IFT88: variants seen among roughly 807,000 people sequenced by gnomAD.
IFT88 encodes the protein intraflagellar transport 88, also known as intraflagellar transport protein 88 homolog.
A neutral mutation model predicts 119.5 loss-of-function variants in IFT88; 74 were observed. The ratio of observed to expected loss-of-function variants is 0.62; its 90% confidence interval spans 0.51 to 0.75. The LOEUF (loss-of-function observed/expected upper bound fraction) is 0.75. IFT88 is among the 30% of genes least tolerant of loss of function. IFT88 has a pLI of 0.00. For synonymous variants in IFT88, 279 were observed against 316.7 expected (o/e 0.88, Z 1.26); for missense variants, 961 against 977.7 (o/e 0.98, Z 0.23).
At chr13:20,642,880 T>C (rs1271460173) in intron 18 of IFT88, 1 of 152,124 alleles carries the variant, frequency 6.6e-6, no homozygotes, top group Non-Finnish European at 1.5e-5. Context: ...TCTTTTTCAA[T>C]AAACTTTGAA....
At chr13:20,677,074 C>T (rs888821785) in intron 24 of IFT88, among the ~76,000 whole-genome samples, 1 of 152,146 alleles carries the variant, frequency 6.6e-6, no homozygotes, top group Non-Finnish European at 1.5e-5. Flanking sequence ...CCAGCTTCAC[C>T]TCTCATATCC....
At chr13:20,654,408 T>A (rs1216789572) in intron 21 of IFT88, among the ~76,000 whole-genome samples, 1 of 152,212 alleles carries the variant, frequency 6.6e-6, no homozygotes, top group Non-Finnish European at 1.5e-5. Context: ...TTTATTAAAT[T>A]CTTGCTGATG....
At position 20,651,602 on chromosome 13, in the gene IFT88, A is replaced by G. The variant is rs868714697; in HGVS notation, c.1950-2274A>G. The stretch of plus-strand genomic sequence containing the variant: ...ACCTTTATACAATGTTTTGCTGTCC[A>G]CGGTTTCAGTTACCCTCAGTAAAGT... On this transcript the variant is annotated intron_variant, in intron 20 of 25. Coordinates refer to ENST00000351808, the MANE Select transcript of IFT88 (RefSeq NM_006531.5). Among the ~76,000 whole-genome samples, 4 of 151,812 alleles carry G rather than the reference A, an allele frequency of 2.6e-5. No homozygotes were observed. The East Asian group carries it at 7.8e-4, about 30-fold the overall frequency.
At chr13:20,661,453 C>T (rs192708824) in intron 22 of IFT88, among the ~76,000 whole-genome samples, 11 of 152,150 alleles carry the variant, frequency 7.2e-5, no homozygotes, top group African/African-American at 1.7e-4. Flanking sequence ...ACTATAAATG[C>T]GGCTGGGTGC....
At chr13:20,598,853 C>A in intron 10 of IFT88, 100 bp downstream of exon 10, 2 of 696,842 alleles carry the variant, frequency 2.9e-6, no homozygotes, top group Admixed American at 2.2e-5. Flanking sequence ...ATGATCTATG[C>A]TCTAAACAAA....
Position 20,567,742 on chromosome 13 carries a change from C to T in IFT88, c.-7+486C>T, listed in dbSNP as rs538179381. ...TAAAAGTACACAACAATGCAGAAAG[C>T]GGTACTTAGCCTCACAAAGATGGAA... On this transcript the variant is annotated intron_variant, in intron 1 of 25. Coordinates refer to ENST00000351808, the MANE Select transcript of IFT88 (RefSeq NM_006531.5). 107 of 1,307,590 alleles carry T rather than the reference C, an allele frequency of 8.2e-5. No homozygotes were observed. In the African/African-American group the frequency reaches 1.3e-3, roughly 15 times the overall value. 81.0% of individuals were successfully genotyped at this position (1,307,590 alleles called of 1,614,324 possible).
chr13:20,686,866 C>A (rs1426771335), intron 24 of IFT88, among the ~76,000 whole-genome samples: 1 of 151,520 alleles, frequency 6.6e-6, no homozygotes, highest in South Asian at 2.1e-4. Flanking sequence ...TGTAGTTAGC[C>A]CCTTAACCTT....
intron 7 of IFT88, among the ~76,000 whole-genome samples, chr13:20,593,058 A>C (rs1313260827): frequency 2.0e-5 from 3 of 152,212 alleles, no homozygotes; most frequent in Non-Finnish European, 4.4e-5. Context: ...GATTATCTTG[A>C]GAGGACATTT....
intron 14 of IFT88, among the ~76,000 whole-genome samples, chr13:20,617,009 T>C (rs1211118208): frequency 6.6e-6 from 1 of 152,066 alleles, no homozygotes; most frequent in African/African-American, 2.4e-5. Flanking sequence ...AGTGGCGCAA[T>C]CTCGGCTCAC....
In IFT88 at chr13:20,686,333, C is replaced by A. The variant is rs186592692; in HGVS notation, c.2243-4372C>A. On this transcript the variant is annotated intron_variant, in intron 24 of 25. Transcript: ENST00000351808. ...CAGTAAAATAAAAATGCAGGAAAGGCAAGTACTTTTATTGGATCTTTAAAA... is the reference window on the plus strand; with the variant it reads ...CAGTAAAATAAAAATGCAGGAAAGGAAAGTACTTTTATTGGATCTTTAAAA... 7.7e-4 allele frequency among the ~76,000 whole-genome samples: 117 copies of A among 152,248 alleles called. 2 individuals carry two copies. The South Asian group carries it at 0.021, about 27-fold the overall frequency.
At chr13:20,687,986 C>T (rs1487475675) in intron 24 of IFT88, among the ~76,000 whole-genome samples, 1 of 152,154 alleles carries the variant, frequency 6.6e-6, no homozygotes, top group Non-Finnish European at 1.5e-5. Flanking sequence ...TCAAAGAATC[C>T]CTGTCACAAA....
intron 3 of IFT88, among the ~76,000 whole-genome samples, chr13:20,587,254 C>CT (rs75172361): frequency 0.1 from 14,998 of 146,196 alleles, 971 homozygotes; most frequent in African/African-American, 0.18. Context: ...TTGCCTACTG[C>CT]TTTTTTTTTT....
intron 13 of IFT88, chr13:20,612,281 C>T (rs1164800127): frequency 6.6e-6 from 1 of 152,094 alleles, no homozygotes; most frequent in Non-Finnish European, 1.5e-5. Context: ...GGACCTTGCT[C>T]CATCTGCTGT....
At chr13:20,597,185 C>T (rs1346052749) in intron 9 of IFT88, 66 bp downstream of exon 9, 1 of 734,348 alleles carries the variant, frequency 1.4e-6, no homozygotes, top group Non-Finnish European at 2.2e-6. Context: ...GTTCCAGAGT[C>T]TTTTTTCTTT....
intron 22 of IFT88, among the ~76,000 whole-genome samples, chr13:20,659,567 G>A (rs1199282881): frequency 6.6e-6 from 1 of 151,550 alleles, no homozygotes; most frequent in Non-Finnish European, 1.5e-5. Flanking sequence ...TAATATAAAT[G>A]TATATGCAAA....
intron 11 of IFT88, among the ~76,000 whole-genome samples, chr13:20,599,851 CA>C (rs1194311512): frequency 6.6e-6 from 1 of 151,990 alleles, no homozygotes; most frequent in East Asian, 1.9e-4. Context: ...AATGCGGACA[CA>C]AAATCATAAT....
chr13:20,665,201 A>G (rs1438701222), intron 23 of IFT88, among the ~76,000 whole-genome samples: 10 of 152,222 alleles, frequency 6.6e-5, no homozygotes, highest in South Asian at 2.1e-4. Flanking sequence ...TGCTGTTTCA[A>G]TATTTGCCAG....
chr13:20,683,545 C>G (rs1249594672), intron 24 of IFT88, among the ~76,000 whole-genome samples: 1 of 152,120 alleles, frequency 6.6e-6, no homozygotes, highest in East Asian at 1.9e-4. Context: ...CAAAATATAA[C>G]TGCTTTGATA....
At chr13:20,682,038 A>G (rs2057380393) in intron 24 of IFT88, among the ~76,000 whole-genome samples, 1 of 152,254 alleles carries the variant, frequency 6.6e-6, no homozygotes, top group Admixed American at 6.5e-5. Flanking sequence ...ACACCTACGA[A>G]ATCAGCTAAA....
Sources: gnomAD v4.1 joint callset for allele counts (sites outside exome capture counted in the v4.1 genomes callset) on GRCh38, gnomAD v4.1.1 for gene constraint, MANE v1.5 for transcripts, NCBI Gene and HGNC (gene_info 2026-07-23, HGNC 2026-07-21) for gene names.